Variants in CAPSL observed in about 807,000 individuals in gnomAD.
CAPSL encodes the protein calcyphosin-like protein.
CAPSL carries 17 observed loss-of-function variants against 21.3 expected under a neutral mutation model. The observed-to-expected ratio is 0.80, with a 90% CI of 0.55 to 1.20. The LOEUF (loss-of-function observed/expected upper bound fraction) is 1.20, where lower values mean the gene tolerates loss of function less well. CAPSL is among the 50% of genes most tolerant of loss of function. CAPSL has a pLI of 0.00. For synonymous variants in CAPSL, 102 were observed against 89.3 expected (o/e 1.14, Z -0.80); for missense variants, 289 against 259.3 (o/e 1.11, Z -0.79).
Position 35,910,479 on chromosome 5 carries a change from A to G in CAPSL, c.202T>C (p.Leu68=). Residue 68 remains leucine, a synonymous_variant, in exon 3 of 5, where the codon TTA becomes CTA. Transcript: ENST00000651391. ...TCCATGACCACAGCATAATCATTTA[A>G]CCCTTTCATAAATTCTTTAAAATCA... is the stretch of plus-strand genomic sequence containing the variant. ...TLDFKEFMKG[L]NDYAVVMEKE... is the part of the protein sequence containing the mutation. 6.2e-7 allele frequency: 1 copy of G among 1,613,052 alleles called. No homozygotes were observed. The highest frequency in any genetic ancestry group is 8.5e-7 in the Non-Finnish European group (1 of 1,179,214).
rs116581325 is a variant in CAPSL, at chr5:35,937,792, A to G, written c.-1+749T>C. ...ATCTCAATATTTAAAACTTTCAATA[A>G]CAAAATAGATTTTTGTGGTTGTAGG... On this transcript the variant is annotated intron_variant, in intron 1 of 4. Coordinates refer to ENST00000651391, the MANE Select transcript of CAPSL (RefSeq NM_001042625.2). 9.2e-3 allele frequency among the ~76,000 whole-genome samples: 1,391 copies of G among 151,986 alleles called. 9 individuals carry two copies. The highest frequency in any genetic ancestry group is 0.034 in the Middle Eastern group (10 of 292).
intron 1 of CAPSL, among the ~76,000 whole-genome samples, chr5:35,930,542 C>T (rs953576980): frequency 1.3e-5 from 2 of 152,192 alleles, no homozygotes. Context: ...CAACCATACA[C>T]TTGCCCAAGC....
intron 1 of CAPSL, among the ~76,000 whole-genome samples, chr5:35,926,474 C>T (rs111459942): frequency 0.43 from 65,404 of 151,634 alleles, 15,012 homozygotes; most frequent in African/African-American, 0.6. Context: ...AACTCTCTCC[C>T]GCCTGGATTT....
rs1007913991 is a variant in CAPSL at position 35,904,379 on chromosome 5, T to A, written c.*166A>T. 14 of 615,956 alleles carry A rather than the reference T, an allele frequency of 2.3e-5. No homozygotes were observed. Among genetic ancestry groups the A allele is most frequent in the Admixed American group, 1.2e-4 (4 of 33,662 alleles). 38.2% of individuals were successfully genotyped at this position (615,956 alleles called of 1,614,324 possible). On this transcript the variant is annotated 3_prime_UTR_variant, in exon 5 of 5. Coordinates refer to ENST00000651391, the MANE Select transcript of CAPSL (RefSeq NM_001042625.2). ...GGCAAACTCACAGTTGGCTACTCAA[T>A]GTCTTTTATTTCTGCCTGTTTTTTG...
At chr5:35,921,850 C>T (rs908569900) in intron 1 of CAPSL, among the ~76,000 whole-genome samples, 2 of 143,640 alleles carry the variant, frequency 1.4e-5, no homozygotes, top group South Asian at 2.3e-4. Context: ...TGCCTGGTAA[C>T]CTGCCTGTGA....
rs1043311808 is a variant in CAPSL at position 35,910,182 on chromosome 5, T to C, written c.316-107A>G. On this transcript the variant is annotated intron_variant, in intron 3 of 4. Coordinates refer to ENST00000651391, the MANE Select transcript of CAPSL (RefSeq NM_001042625.2). ...TCCCCTCAACGATGTGAAATAATAT[T>C]TGTGTGCTATTATGTAATAGACACT... 3.5e-6 allele frequency: 4 copies of C among 1,146,288 alleles called. No individual in the cohort carries two copies. In the African/African-American group the frequency reaches 6.2e-5, roughly 18 times the overall value. 71.0% of individuals were successfully genotyped at this position (1,146,288 alleles called of 1,614,324 possible).
Position 35,910,085 on chromosome 5 carries a change from T to G in CAPSL, c.316-10A>C. On this transcript the variant is annotated splice_polypyrimidine_tract_variant and intron_variant, in intron 3 of 4. Coordinates refer to ENST00000651391, the MANE Select transcript of CAPSL (RefSeq NM_001042625.2). ...CTCTGGACATTGGAGGCTACAAAAATAGAAGAATACATACAGAGACATACA... is the reference window on the plus strand; with the variant it reads ...CTCTGGACATTGGAGGCTACAAAAAGAGAAGAATACATACAGAGACATACA... 1 of 1,591,446 alleles carries G rather than the reference T, an allele frequency of 6.3e-7. No individual in the cohort carries two copies.
chr5:35,927,564 A>G (rs753132180), intron 1 of CAPSL, among the ~76,000 whole-genome samples: 25 of 152,178 alleles, frequency 1.6e-4, no homozygotes, highest in Non-Finnish European at 3.2e-4. Flanking sequence ...CTCATCCAAG[A>G]CAAAACATTC....
chr5:35,914,592 C>G (rs1738322555), intron 2 of CAPSL, among the ~76,000 whole-genome samples: 1 of 152,108 alleles, frequency 6.6e-6, no homozygotes, highest in Admixed American at 6.5e-5. Context: ...AACTGAACAA[C>G]CTGCTCCTGA....
upstream of CAPSL, chr5:35,938,646 C>G (rs1250361324): frequency 1.3e-5 from 2 of 153,084 alleles, no homozygotes; most frequent in African/African-American, 4.8e-5. Flanking sequence ...AGCCTCCTCC[C>G]TCTTACCTGT....
intron 1 of CAPSL, among the ~76,000 whole-genome samples, chr5:35,933,674 C>G (rs1738874691): frequency 6.6e-6 from 1 of 152,104 alleles, no homozygotes; most frequent in Non-Finnish European, 1.5e-5. Context: ...AACTCCTGTC[C>G]AAGCTAGAGG....
intron 1 of CAPSL, among the ~76,000 whole-genome samples, chr5:35,925,622 T>G (rs1211885874): frequency 1.3e-5 from 2 of 152,058 alleles, no homozygotes; most frequent in African/African-American, 4.8e-5. Flanking sequence ...AGGGTGGGAT[T>G]TGGATTTTCT....
chr5:35,909,845 A>G, intron 4 of CAPSL, 21 bp downstream of exon 4: 1 of 1,586,966 alleles, frequency 6.3e-7, no homozygotes, highest in Non-Finnish European at 8.6e-7. Flanking sequence ...AATTTCCCCT[A>G]GATTAGGCTC....
chr5:35,906,452 G>A (rs958434603), intron 4 of CAPSL, among the ~76,000 whole-genome samples: 5 of 152,060 alleles, frequency 3.3e-5, no homozygotes, highest in African/African-American at 1.2e-4. Context: ...CTTTCCTGAT[G>A]CAGGCTCCAG....
At chr5:35,906,267 C>T (rs1465903497) in intron 4 of CAPSL, among the ~76,000 whole-genome samples, 2 of 152,122 alleles carry the variant, frequency 1.3e-5, no homozygotes, top group South Asian at 2.1e-4. Flanking sequence ...ATGAGACTCC[C>T]TCCACATCCA....
In CAPSL at chr5:35,922,797, T is replaced by C. The variant is rs544595954; in HGVS notation, c.1-1677A>G. Among the ~76,000 whole-genome samples, 10 of 152,270 alleles carry C rather than the reference T, an allele frequency of 6.6e-5. 1 individual carries two copies. The highest frequency in any genetic ancestry group is 4.2e-4 in the South Asian group (2 of 4,814). On this transcript the variant is annotated intron_variant, in intron 1 of 4. Transcript: ENST00000651391. ...TTGTTACCTGACCTCAAGCTGACAA[T>C]TCCCAGAGCTCGTTCCCAGCTTCAG... is the stretch of plus-strand genomic sequence containing the variant.
intron 2 of CAPSL, 142 bp downstream of exon 2, chr5:35,920,839 CTCT>C: frequency 1.2e-6 from 1 of 817,734 alleles, no homozygotes; most frequent in South Asian, 2.0e-5. Context: ...CATAGATCAA[CTCT>C]TCTAAACTCT....
intron 2 of CAPSL, 151 bp from the exon 3 acceptor site, chr5:35,910,694 A>G: frequency 1.8e-6 from 1 of 567,860 alleles, no homozygotes; most frequent in Non-Finnish European, 3.0e-6. Context: ...AAAACTGGAG[A>G]GCCTCTTCCC....
chr5:35,914,195 G>C (rs1018908721), intron 2 of CAPSL, among the ~76,000 whole-genome samples: 1 of 152,074 alleles, frequency 6.6e-6, no homozygotes, highest in Non-Finnish European at 1.5e-5. Context: ...ACAAGAGCAC[G>C]CAGATTCATA....
Sources: gnomAD v4.1 joint callset for allele counts (sites outside exome capture counted in the v4.1 genomes callset) on GRCh38, gnomAD v4.1.1 for gene constraint, MANE v1.5 for transcripts, NCBI Gene and HGNC (gene_info 2026-07-23, HGNC 2026-07-21) for gene names.